Variants in DAB1 observed in about 807,000 individuals in gnomAD.
DAB1 encodes the protein DAB adaptor protein 1, also known as disabled homolog 1.
A neutral mutation model predicts 64.6 loss-of-function variants in DAB1; 15 were observed. That is an observed-to-expected ratio of 0.23 (90% CI 0.16 to 0.36). DAB1 has a LOEUF of 0.36. DAB1 is among the 10% of genes least tolerant of loss of function. The probability of loss-of-function intolerance (pLI) is 1.00; values close to 1 mark genes in which losing one functional copy is unlikely to be tolerated. For synonymous variants in DAB1, 235 were observed against 251.9 expected (o/e 0.93, Z 0.64); for missense variants, 596 against 706.7 (o/e 0.84, Z 1.78).
chr1:57,953,776 T>A (rs1371622653), intron 5 of DAB1, among the ~76,000 whole-genome samples: 3 of 152,122 alleles, frequency 2.0e-5, no homozygotes, highest in Non-Finnish European at 4.4e-5. Flanking sequence ...AGCCCCTCCC[T>A]ATTTATCTGC....
intron 3 of DAB1, among the ~76,000 whole-genome samples, chr1:58,402,649 G>C (rs889608734): frequency 5.3e-5 from 8 of 151,700 alleles, no homozygotes; most frequent in Admixed American, 2.0e-4. Context: ...AAAGGAGGAG[G>C]GGGGGAGAGA....
intron 6 of DAB1, among the ~76,000 whole-genome samples, chr1:57,700,920 T>A (rs1646899559): frequency 6.6e-6 from 1 of 152,132 alleles, no homozygotes; most frequent in African/African-American, 2.4e-5. Flanking sequence ...ATAGACAGTC[T>A]TCCATTTATG....
intron 5 of DAB1, among the ~76,000 whole-genome samples, chr1:58,067,892 C>G (rs1236981629): frequency 6.6e-6 from 1 of 152,184 alleles, no homozygotes; most frequent in Non-Finnish European, 1.5e-5. Context: ...TTAAAACAAA[C>G]AAATAAAGCA....
At chr1:58,189,016 T>C (rs540855495) in intron 4 of DAB1, among the ~76,000 whole-genome samples, 2 of 152,276 alleles carry the variant, frequency 1.3e-5, no homozygotes, top group African/African-American at 4.8e-5. Context: ...CCAAATTGCT[T>C]GTTGTTTTTT....
chr1:57,306,196 A>T (rs1674147771), intron 1 of DAB1, among the ~76,000 whole-genome samples: 1 of 152,162 alleles, frequency 6.6e-6, no homozygotes, highest in Non-Finnish European at 1.5e-5. Context: ...CCAGATCTAG[A>T]ACCCAAGTGT....
chr1:57,291,376 T>G (rs559217415), intron 1 of DAB1, among the ~76,000 whole-genome samples: 1 of 152,158 alleles, frequency 6.6e-6, no homozygotes, highest in African/African-American at 2.4e-5. Flanking sequence ...ACTAGGTAAC[T>G]CAAAATAGAT....
intron 1 of DAB1, among the ~76,000 whole-genome samples, chr1:58,535,595 CAA>C (rs11315198): frequency 0.023 from 2,188 of 95,590 alleles, 31 homozygotes; most frequent in East Asian, 0.16. Flanking sequence ...GTCTCTGTCT[CAA>C]AAAAAAAAAA....
intron 3 of DAB1, among the ~76,000 whole-genome samples, chr1:58,479,805 G>A (rs1424778644): frequency 1.4e-4 from 22 of 152,110 alleles, no homozygotes; most frequent in Middle Eastern, 3.2e-3. Context: ...ATCTAGGTGA[G>A]AGATATTGGA....
intron 14 of DAB1, 73 bp from the exon 15 acceptor site, chr1:56,998,201 G>A (rs1035755374): frequency 2.0e-5 from 3 of 152,652 alleles, no homozygotes; most frequent in African/African-American, 2.4e-5. Context: ...TTTGGGAAAA[G>A]GGGTTTAGGA....
At chr1:57,891,274 G>T (rs1644309805) in intron 5 of DAB1, among the ~76,000 whole-genome samples, 1 of 152,120 alleles carries the variant, frequency 6.6e-6, no homozygotes, top group Non-Finnish European at 1.5e-5. Flanking sequence ...GTCATCACTG[G>T]TCATTAGATA....
intron 7 of DAB1, among the ~76,000 whole-genome samples, chr1:57,575,358 A>G (rs1645238065): frequency 6.6e-6 from 1 of 152,200 alleles, no homozygotes; most frequent in African/African-American, 2.4e-5. Context: ...TTCTGCATAC[A>G]TTGCTGTAGC....
intron 1 of DAB1, among the ~76,000 whole-genome samples, chr1:57,883,174 C>T (rs1263818290): frequency 6.6e-6 from 1 of 152,266 alleles, no homozygotes; most frequent in East Asian, 1.9e-4. Context: ...TAATACCAAC[C>T]CCTCTTCTAT....
chr1:58,326,823 C>T (rs945742554), intron 4 of DAB1, among the ~76,000 whole-genome samples: 1 of 152,162 alleles, frequency 6.6e-6, no homozygotes, highest in Non-Finnish European at 1.5e-5. Flanking sequence ...TGCAGCCCAC[C>T]TTCCAAACCC....
At chr1:57,423,029 T>G (rs1341370078) in intron 1 of DAB1, among the ~76,000 whole-genome samples, 1 of 151,322 alleles carries the variant, frequency 6.6e-6, no homozygotes, top group East Asian at 2.0e-4. Flanking sequence ...AGTGGCCCCT[T>G]TCAGACGCCG....
chr1:58,194,448 C>G (rs991411095), intron 4 of DAB1, among the ~76,000 whole-genome samples: 2 of 152,208 alleles, frequency 1.3e-5, no homozygotes, highest in African/African-American at 4.8e-5. Flanking sequence ...ATAAAAATAT[C>G]TTGTCCTCAA....
chr1:57,551,979 A>G (rs1028690485), intron 7 of DAB1, among the ~76,000 whole-genome samples: 1 of 152,172 alleles, frequency 6.6e-6, no homozygotes, highest in African/African-American at 2.4e-5. Context: ...TCAAACCAAG[A>G]GCGCACAGGA....
intron 1 of DAB1, among the ~76,000 whole-genome samples, chr1:57,317,862 T>G (rs926528516): frequency 6.6e-6 from 1 of 152,192 alleles, no homozygotes; most frequent in Non-Finnish European, 1.5e-5. Flanking sequence ...AATGAGATTT[T>G]ATTTTCTCAT....
chr1:58,133,387 T>A, intron 5 of DAB1, among the ~76,000 whole-genome samples: 1 of 152,200 alleles, frequency 6.6e-6, no homozygotes, highest in East Asian at 1.9e-4. Context: ...CCTCATCTGA[T>A]CTGTCTGGTT....
chr1:58,048,675 C>T (rs1647409739), intron 5 of DAB1: 2 of 1,302,474 alleles, frequency 1.5e-6, no homozygotes, highest in Non-Finnish European at 2.2e-6. Flanking sequence ...AAACCACCTC[C>T]ACGACCACCA....
Sources: allele counts gnomAD v4.1 joint callset (sites outside exome capture counted in the v4.1 genomes callset), GRCh38; gene constraint gnomAD v4.1.1; transcripts MANE v1.5; gene names NCBI Gene and HGNC (gene_info 2026-07-23, HGNC 2026-07-21).